GREB1L: variants seen among roughly 807,000 people sequenced by gnomAD.
GREB1L encodes the protein GREB1-like protein.
In GREB1L, 17 loss-of-function variants were observed where a neutral mutation model predicts 200.8. The ratio of observed to expected loss-of-function variants is 0.08; its 90% CI spans 0.06 to 0.13. The LOEUF (loss-of-function observed/expected upper bound fraction) is 0.13, where lower values mean the gene tolerates loss of function less well. GREB1L is among the 10% of genes least tolerant of loss of function. The pLI is 1.00. For synonymous variants in GREB1L, 789 were observed against 893.0 expected (o/e 0.88, Z 2.08); for missense variants, 1,657 against 2,367.7 (o/e 0.70, Z 6.23).
At chr18:21,422,555 T>C (rs1219993357) in intron 7 of GREB1L, among the ~76,000 whole-genome samples, 2 of 152,210 alleles carry the variant, frequency 1.3e-5, no homozygotes, top group African/African-American at 4.8e-5. Context: ...CAAAATTTTG[T>C]ATGCAGGATT....
chr18:21,357,894 T>G (rs1224027506), intron 1 of GREB1L, among the ~76,000 whole-genome samples: 1 of 152,226 alleles, frequency 6.6e-6, no homozygotes, highest in Non-Finnish European at 1.5e-5. Flanking sequence ...TCAGGTAGTA[T>G]GATGCCTCCA....
chr18:21,326,922 T>C (rs1364370504), intron 1 of GREB1L, among the ~76,000 whole-genome samples: 1 of 152,160 alleles, frequency 6.6e-6, no homozygotes, highest in Non-Finnish European at 1.5e-5. Context: ...TCTGCTCTTC[T>C]TTTTTTGTTG....
intron 23 of GREB1L, among the ~76,000 whole-genome samples, chr18:21,502,120 C>T (rs976451733): frequency 1.3e-5 from 2 of 152,032 alleles, no homozygotes; most frequent in Non-Finnish European, 2.9e-5. Flanking sequence ...GGGGTGATGG[C>T]GGGTGCCTGT....
intron 4 of GREB1L, 37 bp from the exon 5 acceptor site, chr18:21,395,348 C>T: frequency 6.8e-7 from 1 of 1,461,722 alleles, no homozygotes; most frequent in Non-Finnish European, 9.4e-7. Context: ...TCTCACTAAA[C>T]ATTTCACTGT....
chr18:21,346,139 C>T (rs2039341453), intron 1 of GREB1L, among the ~76,000 whole-genome samples: 1 of 152,096 alleles, frequency 6.6e-6, no homozygotes, highest in African/African-American at 2.4e-5. Context: ...AGGCAGAAAC[C>T]TCGACGTCCT....
intron 1 of GREB1L, among the ~76,000 whole-genome samples, chr18:21,280,584 C>T (rs2038252340): frequency 6.6e-6 from 1 of 151,980 alleles, no homozygotes; most frequent in Non-Finnish European, 1.5e-5. Context: ...GTATTTATAT[C>T]TACTTGTTAT....
Position 21,496,660 on chromosome 18 carries a change from G to A in GREB1L, c.3353G>A (p.Arg1118Gln), listed in dbSNP as rs1272651891. Residue 1118 changes from arginine to glutamine, a missense_variant, in exon 21 of 33, where the codon CGG becomes CAG. Transcript: ENST00000424526. ...DSDELLIDLE[R>Q]PQSNSSAVTG... ...GATGAGCTGCTCATCGACCTGGAGC[G>A]GCCCCAGAGCAACAGCAGCGCTGTC... The A allele has an allele frequency of 6.4e-6, 10 of 1,551,586 alleles. No homozygotes were observed. Among genetic ancestry groups the A allele is most frequent in the Non-Finnish European group, 7.8e-6 (9 of 1,146,976 alleles).
chr18:21,262,955 A>G (rs1255026366), intron 1 of GREB1L, among the ~76,000 whole-genome samples: 1 of 152,228 alleles, frequency 6.6e-6, no homozygotes, highest in East Asian at 1.9e-4. Context: ...CTTCCTCATT[A>G]AACATTTTAT....
intron 1 of GREB1L, among the ~76,000 whole-genome samples, chr18:21,330,280 C>A (rs2039088776): frequency 6.6e-6 from 1 of 152,120 alleles, no homozygotes; most frequent in Non-Finnish European, 1.5e-5. Context: ...GAAGGATAAA[C>A]AAATATTTTC....
chr18:21,255,328 A>G (rs1310182867), intron 1 of GREB1L, among the ~76,000 whole-genome samples: 1 of 152,176 alleles, frequency 6.6e-6, no homozygotes, highest in East Asian at 1.9e-4. Context: ...AAAATTTAAA[A>G]TTTAATTCCT....
intron 15 of GREB1L, among the ~76,000 whole-genome samples, chr18:21,461,875 G>A (rs779486814): frequency 2.6e-5 from 4 of 152,126 alleles, no homozygotes; most frequent in African/African-American, 4.8e-5. Context: ...TTAAGATTTC[G>A]TGGCCCTCTG....
chr18:21,407,871 C>T (rs1251248300), intron 7 of GREB1L, among the ~76,000 whole-genome samples: 1 of 152,068 alleles, frequency 6.6e-6, no homozygotes, highest in Non-Finnish European at 1.5e-5. Flanking sequence ...AGGCACAGAA[C>T]AACACACATC....
intron 12 of GREB1L, among the ~76,000 whole-genome samples, 183 bp downstream of exon 12, chr18:21,450,019 TCA>T (rs762126918): frequency 6.6e-6 from 1 of 152,162 alleles, no homozygotes; most frequent in African/African-American, 2.4e-5. Context: ...TGTGTAGCCC[TCA>T]GTTTGGCTGG....
At chr18:21,320,875 G>A (rs776972427) in intron 1 of GREB1L, among the ~76,000 whole-genome samples, 7 of 152,062 alleles carry the variant, frequency 4.6e-5, no homozygotes, top group Non-Finnish European at 7.4e-5. Flanking sequence ...ATTGAAAAGA[G>A]AAAATGAAAT....
At chr18:21,269,403 C>G (rs545354882) in intron 1 of GREB1L, among the ~76,000 whole-genome samples, 54 of 152,098 alleles carry the variant, frequency 3.6e-4, no homozygotes, top group Non-Finnish European at 6.5e-4. Context: ...ATGCCCAATT[C>G]TGGGAATTCT....
intron 27 of GREB1L, among the ~76,000 whole-genome samples, chr18:21,510,697 GTATC>G (rs772274465): frequency 6.6e-6 from 1 of 152,144 alleles, no homozygotes; most frequent in Non-Finnish European, 1.5e-5. Context: ...TTCTGGGTAT[GTATC>G]TAGAAGCGAG....
chr18:21,415,661 G>T lies in GREB1L; in HGVS notation c.832+11667G>T, dbSNP rs2031557567. Among the ~76,000 whole-genome samples the T allele has an allele frequency of 2.6e-5, 4 of 152,104 alleles. No individual in the cohort carries two copies. The South Asian group carries it at 8.3e-4, about 32-fold the overall frequency. On this transcript the variant is annotated intron_variant, in intron 7 of 32. Coordinates refer to ENST00000424526, the MANE Select transcript of GREB1L (RefSeq NM_001142966.3). ...GGAAACTGCCCAGCATTCACACAAG[G>T]CCAAGAAAAGTGGCTATTCCCACCA...
chr18:21,333,799 C>A (rs1328947943), intron 1 of GREB1L, among the ~76,000 whole-genome samples: 1 of 151,614 alleles, frequency 6.6e-6, no homozygotes, highest in African/African-American at 2.4e-5. Context: ...CTGGGCCACA[C>A]AGCAAGACCC....
chr18:21,404,053 T>A lies in GREB1L; in HGVS notation c.832+59T>A, dbSNP rs1436881003. 7.1e-6 allele frequency: 10 copies of A among 1,403,464 alleles called. No homozygotes were observed. The East Asian group carries it at 1.3e-4, about 18-fold the overall frequency. 86.9% of individuals were successfully genotyped at this position (1,403,464 alleles called of 1,614,324 possible). On this transcript the variant is annotated intron_variant, in intron 7 of 32. Coordinates refer to ENST00000424526, the MANE Select transcript of GREB1L (RefSeq NM_001142966.3). ...CACATGTATATTTAATGAGACTTTT[T>A]AAAATATATACTTACTGCTGGCTGG...
Sources: gnomAD v4.1 joint callset for allele counts (sites outside exome capture counted in the v4.1 genomes callset) on GRCh38, gnomAD v4.1.1 for gene constraint, MANE v1.5 for transcripts, NCBI Gene and HGNC (gene_info 2026-07-23, HGNC 2026-07-21) for gene names.